Variants in HSPA13 observed in about 807,000 individuals in gnomAD.
The protein encoded by HSPA13 is heat shock 70 kDa protein 13.
A neutral mutation model predicts 38.8 loss-of-function variants in HSPA13; 29 were observed. The ratio of observed to expected loss-of-function variants is 0.75; its 90% CI spans 0.56 to 1.02. HSPA13 has a LOEUF of 1.02. Among genes scored for constraint, HSPA13 ranks in the 50% least tolerant of loss-of-function variants. HSPA13 has a pLI of 0.00. For missense variants in HSPA13, 451 were observed against 560.9 expected, an observed-to-expected ratio of 0.80 and a Z score of 1.98; for synonymous variants, 192 against 205.3, an observed-to-expected ratio of 0.94 and a Z score of 0.56.
rs368919603 is a variant in HSPA13 at position 14,383,139 on chromosome 21, C to A, written c.-20G>T. ...GGCCATCACAGTCCCGCCGAACAGG[C>A]TTGTGATGACTGTACCAGACGTGAG... On this transcript the variant is annotated 5_prime_UTR_variant, in exon 1 of 5. Coordinates refer to ENST00000285667, the MANE Select transcript of HSPA13 (RefSeq NM_006948.5). 18 of 1,613,948 alleles carry A rather than the reference C, an allele frequency of 1.1e-5. No homozygotes were observed. Among genetic ancestry groups the A allele is most frequent in the Admixed American group, 1.7e-5 (1 of 60,004 alleles).
At chr21:14,379,742 G>A (rs181894859) in intron 2 of HSPA13, among the ~76,000 whole-genome samples, 73 of 151,882 alleles carry the variant, frequency 4.8e-4, no homozygotes, top group Non-Finnish European at 8.5e-4. Flanking sequence ...CTTTGAAAAC[G>A]GATGAAAAAT....
intron 3 of HSPA13, among the ~76,000 whole-genome samples, chr21:14,377,041 A>T (rs2123524960): frequency 1.3e-5 from 2 of 152,328 alleles, no homozygotes; most frequent in Middle Eastern, 6.8e-3. Context: ...CATTGTCACC[A>T]CTTGGTGGAG....
At chr21:14,378,109 G>T in intron 3 of HSPA13, 90 bp downstream of exon 3, 1 of 908,336 alleles carries the variant, frequency 1.1e-6, no homozygotes. Context: ...CTATGGTTGT[G>T]TGGTTTGGGA....
At chr21:14,377,109 G>T (rs1470049117) in intron 3 of HSPA13, among the ~76,000 whole-genome samples, 1 of 152,176 alleles carries the variant, frequency 6.6e-6, no homozygotes, top group Non-Finnish European at 1.5e-5. Context: ...ATATTTTGTA[G>T]TTTACAGGAC....
Position 14,373,077 on chromosome 21 carries a change from A to T in HSPA13, c.*540T>A, listed in dbSNP as rs1245416578. ...ACAGGATACTGAATTTGTGAATGTA[A>T]ATTTGTTATATAATATGGCAGTTAC... is the stretch of plus-strand genomic sequence containing the variant. On this transcript the variant is annotated 3_prime_UTR_variant, in exon 5 of 5. Transcript: ENST00000285667. 1 of 152,516 alleles carries T rather than the reference A, an allele frequency of 6.6e-6. No individual in the cohort carries two copies. Among genetic ancestry groups the T allele is most frequent in the Admixed American group, 6.5e-5 (1 of 15,338 alleles). 9.4% of individuals were successfully genotyped at this position (152,516 alleles called of 1,614,324 possible).
At chr21:14,383,061 C>T (rs2123531583) in intron 1 of HSPA13, 34 bp downstream of exon 1, 1 of 1,613,842 alleles carries the variant, frequency 6.2e-7, no homozygotes, top group Non-Finnish European at 8.5e-7. Context: ...CGCCTCTACG[C>T]CCGCAAGAGC....
intron 3 of HSPA13, among the ~76,000 whole-genome samples, chr21:14,377,272 G>A (rs187322284): frequency 3.9e-4 from 60 of 152,078 alleles, no homozygotes; most frequent in African/African-American, 1.4e-3. Context: ...TTTTAGTAAG[G>A]CCCTCAATAT....
chr21:14,374,731 A>G (rs1454925484), intron 4 of HSPA13, among the ~76,000 whole-genome samples: 2 of 152,226 alleles, frequency 1.3e-5, no homozygotes, highest in Non-Finnish European at 2.9e-5. Context: ...GTAAATAGAG[A>G]TTAAGAATAC....
At chr21:14,381,586 T>A in intron 1 of HSPA13, 43 bp from the exon 2 acceptor site, 1 of 1,447,496 alleles carries the variant, frequency 6.9e-7, no homozygotes, top group Non-Finnish European at 9.3e-7. Flanking sequence ...ATCAAACTAG[T>A]ACAATGTACT....
In HSPA13 at chr21:14,372,610, T is replaced by G. The variant is rs1459193417; in HGVS notation, c.*1007A>C. On this transcript the variant is annotated 3_prime_UTR_variant, in exon 5 of 5. Transcript: ENST00000285667. ...GAAAACAATAACACAGCTTTTATAA[T>G]TGAGCACATTTTCCTCATTCAAAAC... 1 of 152,186 alleles carries G rather than the reference T, an allele frequency of 6.6e-6. No homozygotes were observed. Among genetic ancestry groups the G allele is most frequent in the Non-Finnish European group, 1.5e-5 (1 of 67,998 alleles). 9.4% of individuals were successfully genotyped at this position (152,186 alleles called of 1,614,324 possible).
At chr21:14,378,458 G>T (rs1263437103) in intron 2 of HSPA13, 46 bp from the exon 3 acceptor site, 2 of 1,263,460 alleles carry the variant, frequency 1.6e-6, no homozygotes, top group Admixed American at 1.7e-5. Context: ...AAGAGTAAAA[G>T]CATACAGACA....
chr21:14,374,426 G>C, intron 4 of HSPA13, 142 bp from the exon 5 acceptor site: 1 of 676,212 alleles, frequency 1.5e-6, no homozygotes, highest in Non-Finnish European at 2.4e-6. Context: ...TTCATACAGA[G>C]ACTGGTTAAA....
chr21:14,380,183 A>T (rs1229744137), intron 2 of HSPA13, among the ~76,000 whole-genome samples: 2 of 151,850 alleles, frequency 1.3e-5, no homozygotes, highest in African/African-American at 4.8e-5. Context: ...AAAAAAAAGT[A>T]GCAGTGGATA....
chr21:14,380,856 T>A (rs576226730), intron 2 of HSPA13, among the ~76,000 whole-genome samples: 6 of 152,328 alleles, frequency 3.9e-5, no homozygotes, highest in Admixed American at 3.9e-4. Context: ...GCACACCTGG[T>A]ATGTTCTCTT....
At chr21:14,382,888 C>T (rs570782321) in intron 1 of HSPA13, among the ~76,000 whole-genome samples, 35 of 152,252 alleles carry the variant, frequency 2.3e-4, no homozygotes, top group African/African-American at 8.2e-4. Flanking sequence ...TCTATCCTAC[C>T]TTGGCCTGCA....
At position 14,378,342 on chromosome 21, in the gene HSPA13, T is replaced by C. The variant is rs775923673; in HGVS notation, c.437A>G (p.Tyr146Cys). Reference sequence around the variant, plus strand: ...CTTCAACAATAGTCGAGAGCCAACATATTCTGGGGACACTGTGATGGTCTC... The same window carrying C: ...CTTCAACAATAGTCGAGAGCCAACACATTCTGGGGACACTGTGATGGTCTC... ...SNETITVSPE[Y>C]VGSRLLLKLK... Residue 146 changes from tyrosine (Y) to cysteine (C), a missense_variant, in exon 3 of 5, where the codon TAT becomes TGT. Coordinates refer to ENST00000285667, the MANE Select transcript of HSPA13 (RefSeq NM_006948.5). 1 of 1,614,166 alleles carries C rather than the reference T, an allele frequency of 6.2e-7. No individual in the cohort carries two copies. The highest frequency in any genetic ancestry group is 8.5e-7 in the Non-Finnish European group (1 of 1,179,998).
chr21:14,382,035 ACCT>A (rs1568724069), intron 1 of HSPA13, among the ~76,000 whole-genome samples: 4 of 152,284 alleles, frequency 2.6e-5, no homozygotes, highest in Admixed American at 2.6e-4. Context: ...CTCGTATCTC[ACCT>A]CCTTTTCCCT....
At chr21:14,377,226 A>G (rs1463267425) in intron 3 of HSPA13, among the ~76,000 whole-genome samples, 1 of 152,230 alleles carries the variant, frequency 6.6e-6, no homozygotes, top group East Asian at 1.9e-4. Context: ...CCTCTGGTAG[A>G]ACATAAGTTC....
rs187837678 is a variant in HSPA13 at position 14,373,374 on chromosome 21, T to C, written c.*243A>G. 196 of 453,154 alleles carry C rather than the reference T, an allele frequency of 4.3e-4. No individual in the cohort carries two copies. Among genetic ancestry groups the C allele is most frequent in the Middle Eastern group, 3.0e-3 (5 of 1,688 alleles). The allele number at this position is 453,154 out of a possible 1,614,324, so 28.1% of individuals were successfully genotyped here. A position where few individuals can be genotyped will look rare whatever the true frequency, so the allele number is the denominator to read the frequency against. ...AGTTATCCATACTCTTTTAAGAGAG[T>C]TGTACCTCAATTTTATCATTTTAGA... On this transcript the variant is annotated 3_prime_UTR_variant, in exon 5 of 5. Coordinates refer to ENST00000285667, the MANE Select transcript of HSPA13 (RefSeq NM_006948.5).
Sources: gnomAD v4.1 joint callset for allele counts (sites outside exome capture counted in the v4.1 genomes callset) on GRCh38, gnomAD v4.1.1 for gene constraint, MANE v1.5 for transcripts, NCBI Gene and HGNC (gene_info 2026-07-23, HGNC 2026-07-21) for gene names.